ANKRD30B: variants seen among roughly 807,000 people sequenced by gnomAD.
ANKRD30B encodes ankyrin repeat domain 30B, also known as ankyrin repeat domain-containing protein 30B.
A neutral mutation model predicts 202.2 loss-of-function variants in ANKRD30B; 144 were observed. The ratio of observed to expected loss-of-function variants is 0.71; its 90% CI spans 0.62 to 0.82. ANKRD30B has a LOEUF of 0.82. Ranked by LOEUF, ANKRD30B falls within the 40% of genes least tolerant of loss-of-function variation. The pLI, the probability that ANKRD30B is intolerant of heterozygous loss-of-function variation, is 0.00. For missense variants in ANKRD30B, 1,487 were observed against 1,669.1 expected (o/e 0.89, Z 1.90); for synonymous variants, 508 against 561.3 (o/e 0.91, Z 1.34).
chr18:14,772,337 G>C, intron 9 of ANKRD30B, 109 bp downstream of exon 9: 1 of 645,474 alleles, frequency 1.5e-6, no homozygotes, highest in African/African-American at 1.9e-5. Flanking sequence ...ATATAAAGTT[G>C]GTCAGATAAA....
intron 39 of ANKRD30B, among the ~76,000 whole-genome samples, chr18:14,843,722 A>G (rs1971518780): frequency 6.6e-6 from 1 of 152,156 alleles, no homozygotes; most frequent in African/African-American, 2.4e-5. Context: ...TGAACCCTGG[A>G]GGCGGAGCTT....
At chr18:14,833,160 C>T (rs979433019) in intron 34 of ANKRD30B, among the ~76,000 whole-genome samples, 1 of 151,270 alleles carries the variant, frequency 6.6e-6, no homozygotes, top group African/African-American at 2.4e-5. Flanking sequence ...TGGTGTCGAT[C>T]TCTTCACCTC....
At chr18:14,790,182 C>T (rs1448578660) in intron 15 of ANKRD30B, among the ~76,000 whole-genome samples, 1 of 152,076 alleles carries the variant, frequency 6.6e-6, no homozygotes, top group Non-Finnish European at 1.5e-5. Context: ...CATGATTTGG[C>T]TCTCTGTTTG....
rs200734787 is a variant in ANKRD30B at position 14,818,757 on chromosome 18, A to G, written c.2642-3726A>G. Among the ~76,000 whole-genome samples the G allele has an allele frequency of 3.4e-3, 520 of 152,020 alleles. 5 individuals are homozygous for G. The highest frequency in any genetic ancestry group is 0.011 in the African/African-American group (467 of 41,446). On this transcript the variant is annotated intron_variant, in intron 30 of 43. Transcript: ENST00000690538. ...GTGCCACATTTTCTTAATCCAGTCTATCATTGTTGGATATTTGGGTTGGTT... is the reference window on the plus strand; with the variant it reads ...GTGCCACATTTTCTTAATCCAGTCTGTCATTGTTGGATATTTGGGTTGGTT...
chr18:14,934,238 G>T, the ANKRD30B span, among the ~76,000 whole-genome samples: 1 of 152,366 alleles, frequency 6.6e-6, no homozygotes, highest in Admixed American at 6.5e-5. Flanking sequence ...GTGTGCCATG[G>T]GCTGCAGGCA....
At chr18:14,766,154 A>G (rs1483094835) in intron 7 of ANKRD30B, among the ~76,000 whole-genome samples, 1 of 152,092 alleles carries the variant, frequency 6.6e-6, no homozygotes, top group Non-Finnish European at 1.5e-5. Context: ...GTGCATGAGC[A>G]TTTACAATGC....
chr18:14,883,369 GTC>G, the ANKRD30B span, among the ~76,000 whole-genome samples: 12,026 of 84,372 alleles, frequency 0.14, 702 homozygotes, highest in East Asian at 0.23. Context: ...CTGTCTGTCT[GTC>G]TCTCTCTCTC....
rs556599802 is a variant in ANKRD30B, at chr18:14,854,178, C to CT, written c.*34-4dup. ...GTGGCTATCATTCTGCAATGTTTTT[C>CT]TTTTTTTTTTCAGATTAAACAGTAA... is the stretch of plus-strand genomic sequence containing the variant. On this transcript the variant is annotated splice_polypyrimidine_tract_variant and intron_variant, in intron 43 of 43. Coordinates refer to ENST00000690538, the MANE Select transcript of ANKRD30B (RefSeq NM_001367607.2). Among the ~76,000 whole-genome samples the CT allele has an allele frequency of 7.7e-4, 113 of 145,974 alleles. No homozygotes were observed. Among genetic ancestry groups the CT allele is most frequent in the South Asian group, 1.3e-3 (6 of 4,576 alleles).
intron 30 of ANKRD30B, among the ~76,000 whole-genome samples, chr18:14,821,837 AC>A (rs1221360433): frequency 1.3e-5 from 2 of 152,180 alleles, no homozygotes; most frequent in African/African-American, 4.8e-5. Flanking sequence ...AAACTACAGA[AC>A]CCCAGAAATA....
At chr18:14,775,993 G>A (rs1644631828) in intron 9 of ANKRD30B, among the ~76,000 whole-genome samples, 2 of 152,220 alleles carry the variant, frequency 1.3e-5, no homozygotes. Flanking sequence ...TGGAAAGTCT[G>A]TATACAAATG....
At chr18:14,815,964 T>A (rs1970078232) in intron 30 of ANKRD30B, among the ~76,000 whole-genome samples, 1 of 152,204 alleles carries the variant, frequency 6.6e-6, no homozygotes, top group Non-Finnish European at 1.5e-5. Context: ...TCTAAGTATA[T>A]ATCCAAGCTG....
rs913404228 is a variant in ANKRD30B at position 14,808,933 on chromosome 18, A to G, written c.2386+189A>G. On this transcript the variant is annotated intron_variant, in intron 26 of 43. Transcript: ENST00000690538. The stretch of plus-strand genomic sequence containing the variant: ...AGAAGCATAAGATTTAGAGATAAAA[A>G]AAATTCAGCTTTGCCTCATGTGGAT... 5.1e-4 allele frequency among the ~76,000 whole-genome samples: 77 copies of G among 150,956 alleles called. 6 individuals are homozygous for G. Among genetic ancestry groups the G allele is most frequent in the Non-Finnish European group, 8.0e-4 (54 of 67,788 alleles).
Position 14,852,127 on chromosome 18 carries a change from A to G in ANKRD30B, c.4183A>G (p.Lys1395Glu). The change falls in exon 42 of 44, where the codon AAG becomes GAG. Residue 1395 changes from lysine to glutamate, a missense_variant. Physicochemically the swap from Lys to Glu is moderately conservative, Grantham distance 56. Around this residue, in one of 6 missense-constraint regions of ANKRD30B, gnomAD observed 182 missense variants for 216.0 expected, o/e 0.84. Coordinates refer to ENST00000690538, the MANE Select transcript of ANKRD30B (RefSeq NM_001367607.2). ...RDRCETQCQM[K>E]KAEHMYQNEQ... ...CCGATGTGAAACACAGTGTCAAATG[A>G]AGAAAGCTGAACACATGTATCAAAA... 2 of 1,601,424 alleles carry G rather than the reference A, an allele frequency of 1.2e-6. No homozygotes were observed. The highest frequency in any genetic ancestry group is 1.7e-6 in the Non-Finnish European group (2 of 1,173,554).
At chr18:14,810,247 CT>C in intron 28 of ANKRD30B, 67 bp downstream of exon 28, 1 of 988,120 alleles carries the variant, frequency 1.0e-6, no homozygotes, top group Non-Finnish European at 1.4e-6. Context: ...TGCTGAGAGC[CT>C]TTTATTCCCA....
intron 32 of ANKRD30B, 82 bp from the exon 33 acceptor site, chr18:14,828,196 T>G: frequency 9.5e-7 from 1 of 1,050,966 alleles, no homozygotes; most frequent in Non-Finnish European, 1.4e-6. Context: ...GCATGTGCCA[T>G]CGTGCCCTCT....
chr18:14,810,928 A>G (rs1387799576), intron 28 of ANKRD30B, among the ~76,000 whole-genome samples: 2 of 151,180 alleles, frequency 1.3e-5, no homozygotes, highest in Non-Finnish European at 2.9e-5. Flanking sequence ...AGCCTGGTCA[A>G]CACAGTGAAA....
chr18:14,779,429 C>T (rs754575216), intron 10 of ANKRD30B, among the ~76,000 whole-genome samples: 5 of 152,266 alleles, frequency 3.3e-5, no homozygotes, highest in East Asian at 1.9e-4. Context: ...TTATTTAAAA[C>T]GCATTCACAC....
intron 10 of ANKRD30B, among the ~76,000 whole-genome samples, chr18:14,779,074 G>C (rs1257385872): frequency 1.3e-5 from 2 of 152,186 alleles, no homozygotes; most frequent in Non-Finnish European, 2.9e-5. Flanking sequence ...CTAAGGAAGA[G>C]GGATTGTGAG....
chr18:14,788,917 G>A (rs1968274766), intron 15 of ANKRD30B, among the ~76,000 whole-genome samples: 1 of 152,176 alleles, frequency 6.6e-6, no homozygotes, highest in Admixed American at 6.5e-5. Context: ...CCCAGTAATG[G>A]GATGACTGGG....
Sources: allele counts gnomAD v4.1 joint callset (sites outside exome capture counted in the v4.1 genomes callset), GRCh38; gene constraint gnomAD v4.1.1; regional missense constraint gnomAD v4.1.1; transcripts MANE v1.5; gene names NCBI Gene and HGNC (gene_info 2026-07-23, HGNC 2026-07-21).